The following SLC2A14 variants were observed in gnomAD, a reference collection of about 807,000 sequenced individuals.
The protein encoded by SLC2A14 is solute carrier family 2 member 14, also known as solute carrier family 2, facilitated glucose transporter member 14.
SLC2A14 carries 13 observed loss-of-function variants against 43.0 expected under a neutral mutation model. The observed-to-expected ratio is 0.30, with a 90% CI of 0.20 to 0.48. The LOEUF is 0.48. Among genes scored for constraint, SLC2A14 ranks in the 20% least tolerant of loss-of-function variants. The probability of loss-of-function intolerance (pLI) is 0.99; values close to 1 mark genes in which losing one functional copy is unlikely to be tolerated. For missense variants in SLC2A14, 428 were observed against 620.4 expected, an observed-to-expected ratio of 0.69 and a Z score of 3.29; for synonymous variants, 190 against 233.8, an observed-to-expected ratio of 0.81 and a Z score of 1.71.
At position 7,817,949 on chromosome 12, in the gene SLC2A14, G is replaced by A. The variant is rs767046722; in HGVS notation, c.1157C>T (p.Pro386Leu). Residue 386 changes from proline to leucine, a missense_variant, in exon 10 of 11, where the codon CCC becomes CTC. Physicochemically the swap from Pro to Leu is moderately conservative, Grantham distance 98. Around this residue, in one of 4 missense-constraint regions of SLC2A14, gnomAD observed 119 missense variants for 188.7 expected, o/e 0.63. Coordinates refer to ENST00000431042, the MANE Select transcript of SLC2A14 (RefSeq NM_001286234.2). ...GAAGAGTTCGGCCACAATAAACCAG[G>A]GAATGGGGCCTGGTCCAATTTCAAA... Reference protein sequence around the residue: ...ACFEIGPGPIPWFIVAELFSQ... With the variant: ...ACFEIGPGPILWFIVAELFSQ... 6.2e-7 allele frequency: 1 copy of A among 1,614,126 alleles called. No individual in the cohort carries two copies. Among genetic ancestry groups the A allele is most frequent in the Non-Finnish European group, 8.5e-7 (1 of 1,180,036 alleles).
intron 2 of SLC2A14, among the ~76,000 whole-genome samples, chr12:7,840,278 C>T (rs1195526561): frequency 1.3e-5 from 2 of 150,856 alleles, no homozygotes; most frequent in Non-Finnish European, 2.9e-5. Context: ...GAGAGCTGCC[C>T]TCACCAAACA....
chr12:7,866,962 A>G (rs1944945834), intron 2 of SLC2A14, among the ~76,000 whole-genome samples: 1 of 149,822 alleles, frequency 6.7e-6, no homozygotes, highest in Non-Finnish European at 1.5e-5. Context: ...TTTTTTTGAG[A>G]CAGAGTTTCA....
chr12:7,872,921 C>G (rs971736826), upstream of SLC2A14: 4 of 985,378 alleles, frequency 4.1e-6, no homozygotes, highest in African/African-American at 5.2e-5. Context: ...CTAACTGCCT[C>G]GAAAAGCCTA....
chr12:7,886,200 C>G (rs1945687033), intron 1 of SLC2A14, among the ~76,000 whole-genome samples: 1 of 125,242 alleles, frequency 8.0e-6, no homozygotes, highest in African/African-American at 3.0e-5. Context: ...GTCAGGCTGT[C>G]CCTGAGGCTG....
At chr12:7,867,573 T>C (rs966681432) in intron 2 of SLC2A14, among the ~76,000 whole-genome samples, 1 of 151,680 alleles carries the variant, frequency 6.6e-6, no homozygotes, top group African/African-American at 2.4e-5. Flanking sequence ...TTGGCTGGGC[T>C]CAGTGGCTCA....
In SLC2A14 at chr12:7,870,419, T is replaced by C. The variant is rs549412231; in HGVS notation, c.-57-482A>G. Among the ~76,000 whole-genome samples the C allele has an allele frequency of 9.9e-5, 15 of 152,242 alleles. No homozygotes were observed. In the South Asian group the frequency reaches 2.7e-3, roughly 27 times the overall value. On this transcript the variant is annotated intron_variant, in intron 1 of 10. Transcript: ENST00000431042. ...ACTGCTTCAGTGAGCCACAGTGAAG[T>C]TGGAAGTCGTGATTCTGCTTAACCA...
intron 1 of SLC2A14, among the ~76,000 whole-genome samples, chr12:7,889,971 T>G (rs2121131834): frequency 6.6e-6 from 1 of 152,156 alleles, no homozygotes; most frequent in African/African-American, 2.4e-5. Flanking sequence ...CTGATGGGAG[T>G]GTAGCAGTGA....
intron 1 of SLC2A14, among the ~76,000 whole-genome samples, chr12:7,883,011 C>A (rs779801818): frequency 1.9e-4 from 29 of 151,970 alleles, no homozygotes; most frequent in South Asian, 1.9e-3. Context: ...GAGTTCAAGA[C>A]CATCCTGGCC....
chr12:7,839,973 A>T, intron 2 of SLC2A14: 3 of 379,254 alleles, frequency 7.9e-6, no homozygotes, highest in Non-Finnish European at 1.5e-5. Context: ...TTAGTGAGGC[A>T]TGGTGGTTTG....
chr12:7,873,314 C>T, upstream of SLC2A14: 1 of 985,538 alleles, frequency 1.0e-6, no homozygotes, highest in African/African-American at 1.7e-5. Context: ...GGCGGGCCGG[C>T]TGGGCTGGGA....
chr12:7,874,738 A>AATATTTATAT (rs1565584360), upstream of SLC2A14, among the ~76,000 whole-genome samples: 2 of 3,764 alleles, frequency 5.3e-4, no homozygotes, highest in African/African-American at 1.3e-3. Context: ...AAAATATATA[A>AATATTTATAT]AAATATATAT....
At chr12:7,841,417 T>C (rs1449302311) in intron 2 of SLC2A14, among the ~76,000 whole-genome samples, 1 of 152,042 alleles carries the variant, frequency 6.6e-6, no homozygotes, top group Non-Finnish European at 1.5e-5. Context: ...CCCATCACCA[T>C]GCCCGGCTAA....
At chr12:7,864,095 T>C (rs2121019221) in intron 2 of SLC2A14, among the ~76,000 whole-genome samples, 1 of 151,052 alleles carries the variant, frequency 6.6e-6, no homozygotes, top group East Asian at 2.0e-4. Flanking sequence ...GGATTACAGG[T>C]GTCAGCCCCC....
At chr12:7,822,124 A>C (rs1171379401) in intron 7 of SLC2A14, among the ~76,000 whole-genome samples, 1 of 146,678 alleles carries the variant, frequency 6.8e-6, no homozygotes, top group East Asian at 2.1e-4. Context: ...ACGCCTGGCC[A>C]ATTTTTGTAT....
chr12:7,865,715 A>T (rs1944871154), intron 2 of SLC2A14, among the ~76,000 whole-genome samples: 1 of 152,052 alleles, frequency 6.6e-6, no homozygotes, highest in Admixed American at 6.6e-5. Context: ...AAAAACCCTA[A>T]ATGGCATCTA....
chr12:7,865,730 T>C (rs941913128), intron 2 of SLC2A14, among the ~76,000 whole-genome samples: 1 of 152,156 alleles, frequency 6.6e-6, no homozygotes, highest in Admixed American at 6.5e-5. Context: ...CATCTAAGAA[T>C]TCAAGTGAAA....
At chr12:7,817,784 A>G (rs1399319914) in intron 10 of SLC2A14, 47 bp downstream of exon 10, 2 of 1,515,290 alleles carry the variant, frequency 1.3e-6, no homozygotes, top group Non-Finnish European at 8.9e-7. Context: ...AGATAGACAG[A>G]TACATAGATA....
At chr12:7,844,962 A>G (rs1311375203) in intron 2 of SLC2A14, among the ~76,000 whole-genome samples, 1 of 152,200 alleles carries the variant, frequency 6.6e-6, no homozygotes, top group Non-Finnish European at 1.5e-5. Flanking sequence ...AAGTAAGTAA[A>G]GTAGTTAACA....
In SLC2A14 at chr12:7,849,269, G is replaced by A. The variant is rs761868725; in HGVS notation, c.19-16455C>T. Among the ~76,000 whole-genome samples the A allele has an allele frequency of 3.3e-5, 5 of 152,162 alleles. No homozygotes were observed. In the South Asian group the frequency reaches 8.3e-4, roughly 25 times the overall value. On this transcript the variant is annotated intron_variant, in intron 2 of 10. Coordinates refer to ENST00000431042, the MANE Select transcript of SLC2A14 (RefSeq NM_001286234.2). ...TGTAATCCCAGCACTTTGGAAGATCGAGGTGGGAGGATTGCTTGAGTCCAG... is the reference window on the plus strand; with the variant it reads ...TGTAATCCCAGCACTTTGGAAGATCAAGGTGGGAGGATTGCTTGAGTCCAG...
Sources: allele counts gnomAD v4.1 joint callset (sites outside exome capture counted in the v4.1 genomes callset), GRCh38; gene constraint gnomAD v4.1.1; regional missense constraint gnomAD v4.1.1; transcripts MANE v1.5; gene names NCBI Gene and HGNC (gene_info 2026-07-23, HGNC 2026-07-21).